CNTNAP2: variants seen among roughly 807,000 people sequenced by gnomAD.
CNTNAP2 encodes the protein contactin-associated protein-like 2.
Under a neutral mutation model 155.2 loss-of-function variants are expected in CNTNAP2, and 98 were observed. The ratio of observed to expected loss-of-function variants is 0.63; its 90% CI spans 0.54 to 0.75. The LOEUF is 0.75. CNTNAP2 is among the 30% of genes least tolerant of loss of function. The probability of loss-of-function intolerance (pLI) is 0.00; values close to 1 mark genes in which losing one functional copy is unlikely to be tolerated. For synonymous variants in CNTNAP2, 651 were observed against 631.2 expected, an observed-to-expected ratio of 1.03 and a Z score of -0.47; for missense variants, 1,727 against 1,688.1, an observed-to-expected ratio of 1.02 and a Z score of -0.40.
rs1334052792 is a variant in CNTNAP2 at position 146,409,129 on chromosome 7, C to G, written c.97+292156C>G. ...ATAAATTATGTTGTGCATCACAACT[C>G]TACTTGGGGAATGTAAATAAATTCC... On this transcript the variant is annotated intron_variant, in intron 1 of 23. Transcript: ENST00000361727. 1.3e-5 allele frequency among the ~76,000 whole-genome samples: 2 copies of G among 152,092 alleles called. 1 individual carries two copies. The highest frequency in any genetic ancestry group is 4.8e-5 in the African/African-American group (2 of 41,408).
intron 21 of CNTNAP2, among the ~76,000 whole-genome samples, chr7:148,363,666 G>C (rs1798669053): frequency 1.3e-5 from 2 of 152,200 alleles, no homozygotes; most frequent in African/African-American, 2.4e-5. Context: ...GCAGTCCTCA[G>C]AGCCCTCGCT....
chr7:147,997,625 G>T (rs1439396034), intron 15 of CNTNAP2, among the ~76,000 whole-genome samples: 1 of 151,922 alleles, frequency 6.6e-6, no homozygotes, highest in Non-Finnish European at 1.5e-5. Context: ...TATTGCAAAA[G>T]AAAAAGAATA....
At chr7:147,506,272 C>T (rs896867611) in intron 11 of CNTNAP2, among the ~76,000 whole-genome samples, 4 of 152,074 alleles carry the variant, frequency 2.6e-5, no homozygotes, top group East Asian at 1.9e-4. Context: ...GTTTTTTGTT[C>T]GAGATGGAGT....
intron 4 of CNTNAP2, among the ~76,000 whole-genome samples, chr7:147,048,644 T>G (rs1799414216): frequency 6.6e-6 from 1 of 152,198 alleles, no homozygotes; most frequent in Non-Finnish European, 1.5e-5. Flanking sequence ...TAACCATATG[T>G]GGCTACTAGC....
chr7:148,301,306 A>ATATATATATATAT (rs1554414674), intron 21 of CNTNAP2, among the ~76,000 whole-genome samples: 2 of 103,852 alleles, frequency 1.9e-5, no homozygotes, highest in African/African-American at 7.5e-5. Flanking sequence ...AAAAAAAAAA[A>ATATATATATATAT]ATATATATAT....
intron 3 of CNTNAP2, among the ~76,000 whole-genome samples, chr7:146,928,606 C>T (rs537720031): frequency 6.9e-4 from 105 of 152,268 alleles, no homozygotes; most frequent in African/African-American, 2.0e-3. Context: ...GTGCAGCGCA[C>T]CGTGCACGAG....
intron 1 of CNTNAP2, among the ~76,000 whole-genome samples, chr7:146,612,996 T>C (rs1420501995): frequency 6.6e-6 from 1 of 151,738 alleles, no homozygotes; most frequent in African/African-American, 2.4e-5. Context: ...ATGCTTTTTG[T>C]CCTCCCACTC....
chr7:146,278,622 C>G (rs759219829), intron 1 of CNTNAP2, among the ~76,000 whole-genome samples: 16 of 152,126 alleles, frequency 1.1e-4, no homozygotes, highest in Non-Finnish European at 2.1e-4. Flanking sequence ...TAACTAAAAG[C>G]ACAGCTTCAC....
intron 8 of CNTNAP2, among the ~76,000 whole-genome samples, chr7:147,270,525 T>A (rs1584833593): frequency 6.6e-6 from 1 of 152,368 alleles, no homozygotes; most frequent in Non-Finnish European, 1.5e-5. Context: ...TCCCATTATA[T>A]TTCTATTGGA....
chr7:147,525,555 G>A (rs1008620612), intron 11 of CNTNAP2, among the ~76,000 whole-genome samples: 1 of 152,166 alleles, frequency 6.6e-6, no homozygotes, highest in South Asian at 2.1e-4. Context: ...ATAAAGAATG[G>A]GCAGCAGATA....
chr7:146,689,358 ATG>A (rs1333475931), intron 1 of CNTNAP2, among the ~76,000 whole-genome samples: 3 of 152,078 alleles, frequency 2.0e-5, no homozygotes, highest in Non-Finnish European at 4.4e-5. Context: ...TATTATAAAT[ATG>A]TGTTTATATG....
chr7:146,772,810 T>TA (rs1802319142), intron 1 of CNTNAP2, among the ~76,000 whole-genome samples: 1 of 152,142 alleles, frequency 6.6e-6, no homozygotes, highest in African/African-American at 2.4e-5. Flanking sequence ...TGGGCAGGGG[T>TA]ACTTTGAACA....
chr7:147,321,414 G>A lies in CNTNAP2; in HGVS notation c.1498+21124G>A, dbSNP rs537599533. 1.2e-4 allele frequency among the ~76,000 whole-genome samples: 19 copies of A among 152,190 alleles called. No individual in the cohort carries two copies. In the South Asian group the frequency reaches 2.3e-3, roughly 18 times the overall value. On this transcript the variant is annotated intron_variant, in intron 9 of 23. Coordinates refer to ENST00000361727, the MANE Select transcript of CNTNAP2 (RefSeq NM_014141.6). ...AGACTTACACCATAATGCAGTTTAG[G>A]ATACAGAGTTATTTTTTATTTTTTT...
chr7:146,923,017 C>T (rs1241589185), intron 3 of CNTNAP2, among the ~76,000 whole-genome samples: 1 of 152,104 alleles, frequency 6.6e-6, no homozygotes, highest in East Asian at 1.9e-4. Context: ...GACAGCATAG[C>T]TGATGTAGAA....
chr7:147,628,479 G>A (rs185996609), intron 12 of CNTNAP2, among the ~76,000 whole-genome samples: 31 of 152,204 alleles, frequency 2.0e-4, no homozygotes, highest in Non-Finnish European at 2.8e-4. Flanking sequence ...AATGCTAAAA[G>A]GGGTTCTAAA....
At chr7:147,755,063 T>C (rs114508616) in intron 13 of CNTNAP2, among the ~76,000 whole-genome samples, 2,795 of 152,302 alleles carry the variant, frequency 0.018, 77 homozygotes, top group African/African-American at 0.06. Context: ...AAACTCTAAA[T>C]AGATGCCTAC....
At chr7:146,745,507 C>T (rs959616895) in intron 1 of CNTNAP2, among the ~76,000 whole-genome samples, 4 of 151,880 alleles carry the variant, frequency 2.6e-5, no homozygotes, top group Admixed American at 6.6e-5. Flanking sequence ...GGCGGCTGGG[C>T]GCGGTAATCC....
chr7:147,613,338 C>T (rs1326782314), intron 12 of CNTNAP2, among the ~76,000 whole-genome samples: 1 of 152,126 alleles, frequency 6.6e-6, no homozygotes, highest in Non-Finnish European at 1.5e-5. Flanking sequence ...GCGTTATTTC[C>T]GTTTCTGTTA....
chr7:147,453,314 T>G (rs1363282548), intron 10 of CNTNAP2, among the ~76,000 whole-genome samples: 2 of 152,152 alleles, frequency 1.3e-5, no homozygotes, highest in Non-Finnish European at 2.9e-5. Flanking sequence ...GACACCGGCC[T>G]TCCTGCTTCC....
Sources: gnomAD v4.1 joint callset for allele counts (sites outside exome capture counted in the v4.1 genomes callset) on GRCh38, gnomAD v4.1.1 for gene constraint, MANE v1.5 for transcripts, NCBI Gene and HGNC (gene_info 2026-07-23, HGNC 2026-07-21) for gene names.